The following MECOM variants were observed in gnomAD, a reference collection of about 807,000 sequenced individuals.
The protein encoded by MECOM is histone-lysine N-methyltransferase MECOM.
Under a neutral mutation model 116.3 loss-of-function variants are expected in MECOM, and 13 were observed. That is an observed-to-expected ratio of 0.11 (90% CI 0.07 to 0.18). The LOEUF (loss-of-function observed/expected upper bound fraction) is 0.18, where lower values mean the gene tolerates loss of function less well. Among genes scored for constraint, MECOM ranks in the 10% least tolerant of loss-of-function variants. MECOM has a pLI of 1.00. For synonymous variants in MECOM, 528 were observed against 535.2 expected (o/e 0.99, Z 0.19); for missense variants, 1,299 against 1,509.0 (o/e 0.86, Z 2.31).
At chr3:169,290,466 A>G (rs985021477) in intron 2 of MECOM, among the ~76,000 whole-genome samples, 1 of 152,178 alleles carries the variant, frequency 6.6e-6, no homozygotes, top group Non-Finnish European at 1.5e-5. Flanking sequence ...GTGACTTTGT[A>G]GAGACCATGA....
intron 1 of MECOM, among the ~76,000 whole-genome samples, chr3:169,604,191 C>G (rs6793591): frequency 0.011 from 1,703 of 152,090 alleles, 33 homozygotes; most frequent in African/African-American, 0.039. Flanking sequence ...ATTAACTGAG[C>G]TTTGATTTAA....
intron 1 of MECOM, chr3:169,484,081 T>C (rs1751785075): frequency 5.4e-6 from 5 of 921,296 alleles, no homozygotes; most frequent in Middle Eastern, 3.2e-4. Context: ...GCATTTAAAA[T>C]AATCTATTGT....
At chr3:169,501,603 A>C (rs1754542432) in intron 1 of MECOM, among the ~76,000 whole-genome samples, 1 of 152,096 alleles carries the variant, frequency 6.6e-6, no homozygotes, top group Non-Finnish European at 1.5e-5. Context: ...CTAGCTCAAC[A>C]AGCAAGTCTG....
At chr3:169,527,399 A>G (rs746561790) in intron 1 of MECOM, among the ~76,000 whole-genome samples, 3 of 152,266 alleles carry the variant, frequency 2.0e-5, no homozygotes, top group Non-Finnish European at 4.4e-5. Context: ...ATTTGTCATC[A>G]GCAAAAGAAA....
intron 2 of MECOM, among the ~76,000 whole-genome samples, chr3:169,320,985 C>T (rs1183489503): frequency 6.6e-6 from 1 of 152,070 alleles, no homozygotes; most frequent in Non-Finnish European, 1.5e-5. Context: ...TAATAACTTA[C>T]CAGAAAATAA....
intron 1 of MECOM, among the ~76,000 whole-genome samples, chr3:169,384,549 T>C (rs1164333617): frequency 2.0e-5 from 3 of 152,194 alleles, no homozygotes. Context: ...ATTCAACTAC[T>C]GCAAATGCAA....
chr3:169,336,080 T>C (rs772257307), intron 2 of MECOM, among the ~76,000 whole-genome samples: 51 of 152,134 alleles, frequency 3.4e-4, no homozygotes, highest in Non-Finnish European at 6.6e-4. Context: ...TTGGTGTTAC[T>C]GTTTCTAATA....
At chr3:169,449,181 T>C (rs1304034112) in intron 1 of MECOM, among the ~76,000 whole-genome samples, 1 of 152,218 alleles carries the variant, frequency 6.6e-6, no homozygotes. Flanking sequence ...AGTCATGCAC[T>C]ATAGCCATTA....
intron 1 of MECOM, among the ~76,000 whole-genome samples, chr3:169,398,439 A>G (rs753767894): frequency 1.9e-4 from 29 of 152,216 alleles, no homozygotes; most frequent in Non-Finnish European, 3.4e-4. Context: ...TCTCCCAATA[A>G]TACTTTATCC....
intron 2 of MECOM, chr3:169,146,689 CTTT>C: frequency 1.6e-6 from 2 of 1,282,706 alleles, no homozygotes; most frequent in Non-Finnish European, 2.0e-6. Context: ...ATCGCCCAGA[CTTT>C]TTTTCCTTTT....
chr3:169,286,770 C>T (rs1282127870), intron 2 of MECOM, among the ~76,000 whole-genome samples: 2 of 152,140 alleles, frequency 1.3e-5, no homozygotes, highest in Admixed American at 6.5e-5. Context: ...ACATTACAGA[C>T]ATTTGCCTGC....
chr3:169,295,702 C>G (rs1364334202), intron 2 of MECOM, among the ~76,000 whole-genome samples: 1 of 152,174 alleles, frequency 6.6e-6, no homozygotes, highest in African/African-American at 2.4e-5. Context: ...TCTTCTTCTT[C>G]TCCTTAAAGT....
At chr3:169,472,536 AGGAAAGGAAAG>A (rs1178979088) in intron 1 of MECOM, among the ~76,000 whole-genome samples, 13,507 of 74,160 alleles carry the variant, frequency 0.18, 3,168 homozygotes, top group Middle Eastern at 0.23. Flanking sequence ...AGAAAAGAAA[AGGAAAGGAAAG>A]GAAAAGAAAA....
At chr3:169,099,003 C>G (rs1722636293) in intron 12 of MECOM, among the ~76,000 whole-genome samples, 4 of 151,886 alleles carry the variant, frequency 2.6e-5, no homozygotes, top group African/African-American at 9.7e-5. Context: ...TATATCCACT[C>G]ATTTTAACAT....
chr3:169,496,290 G>A (rs754147930), intron 1 of MECOM, among the ~76,000 whole-genome samples: 1 of 152,140 alleles, frequency 6.6e-6, no homozygotes, highest in Non-Finnish European at 1.5e-5. Flanking sequence ...ACCCGTCTTT[G>A]GAAACATATT....
chr3:169,311,663 T>C lies in MECOM; in HGVS notation c.375+69524A>G, dbSNP rs147710388. 5.1e-4 allele frequency among the ~76,000 whole-genome samples: 77 copies of C among 149,618 alleles called. No homozygotes were observed. In the East Asian group the frequency reaches 0.014, roughly 28 times the overall value. On this transcript the variant is annotated intron_variant, in intron 2 of 16. Transcript: ENST00000651503. Reference sequence around the variant, plus strand: ...AGTCAAAAGCCTTAAAGAAAAAAAGTGTTTCTTTTACATTTTACTCTTTTT... The same window carrying C: ...AGTCAAAAGCCTTAAAGAAAAAAAGCGTTTCTTTTACATTTTACTCTTTTT...
At chr3:169,486,017 T>TAC (rs1560341532) in intron 1 of MECOM, among the ~76,000 whole-genome samples, 2 of 111,708 alleles carry the variant, frequency 1.8e-5, no homozygotes, top group East Asian at 2.9e-4. Flanking sequence ...TATATATATA[T>TAC]GTATATATAG....
chr3:169,270,163 C>T (rs931121517), intron 2 of MECOM, among the ~76,000 whole-genome samples: 2 of 152,038 alleles, frequency 1.3e-5, no homozygotes, highest in Non-Finnish European at 2.9e-5. Flanking sequence ...AGTGTTCTGG[C>T]CTATATGTCT....
chr3:169,504,105 C>A, intron 1 of MECOM, among the ~76,000 whole-genome samples: 1 of 149,246 alleles, frequency 6.7e-6, no homozygotes, highest in African/African-American at 2.5e-5. Flanking sequence ...CAAGATGTCT[C>A]AGGGAAAAGG....
Sources: gnomAD v4.1 joint callset for allele counts (sites outside exome capture counted in the v4.1 genomes callset) on GRCh38, gnomAD v4.1.1 for gene constraint, MANE v1.5 for transcripts, NCBI Gene and HGNC (gene_info 2026-07-23, HGNC 2026-07-21) for gene names.